ARHGAP8: variants seen among roughly 807,000 people sequenced by gnomAD.
The protein encoded by ARHGAP8 is rho GTPase-activating protein 8.
Under a neutral mutation model 46.1 loss-of-function variants are expected in ARHGAP8, and 62 were observed. That is an observed-to-expected ratio of 1.34 (90% CI 1.10 to 1.66). ARHGAP8 has a LOEUF of 1.66. Among genes scored for constraint, ARHGAP8 ranks in the 40% most tolerant of loss-of-function variants. ARHGAP8 has a pLI of 0.00. For synonymous variants in ARHGAP8, 375 were observed against 243.1 expected, an observed-to-expected ratio of 1.54 and a Z score of -5.05; for missense variants, 923 against 568.4, an observed-to-expected ratio of 1.62 and a Z score of -6.34.
At chr22:44,803,486 G>A (rs1282106245) in intron 3 of ARHGAP8, among the ~76,000 whole-genome samples, 1 of 151,994 alleles carries the variant, frequency 6.6e-6, no homozygotes, top group African/African-American at 2.4e-5. Flanking sequence ...ACCCCTCCTG[G>A]GTCTACACCT....
chr22:44,791,695 A>C (rs1483684515), intron 2 of ARHGAP8, among the ~76,000 whole-genome samples: 1 of 151,862 alleles, frequency 6.6e-6, no homozygotes, highest in African/African-American at 2.4e-5. Flanking sequence ...TAAGAGCAAA[A>C]CTCCATCTCA....
At chr22:44,858,737 G>GGGGGGGT (rs1158349279) in intron 10 of ARHGAP8, among the ~76,000 whole-genome samples, 1 of 133,298 alleles carries the variant, frequency 7.5e-6, no homozygotes, top group Admixed American at 7.5e-5. Context: ...GGGTAACTGG[G>GGGGGGGT]GGGTCTCAGA....
At chr22:44,799,770 C>T (rs1031762626) in intron 2 of ARHGAP8, among the ~76,000 whole-genome samples, 7 of 146,646 alleles carry the variant, frequency 4.8e-5, no homozygotes, top group African/African-American at 1.8e-4. Flanking sequence ...ATCTGTTCTC[C>T]GTGTCCCTGA....
intron 7 of ARHGAP8, among the ~76,000 whole-genome samples, chr22:44,835,377 T>G (rs1028763853): frequency 6.6e-6 from 1 of 152,084 alleles, no homozygotes; most frequent in Non-Finnish European, 1.5e-5. Flanking sequence ...CTCAGCACTT[T>G]GGGAGGCCGA....
chr22:44,814,707 A>G lies in ARHGAP8; in HGVS notation c.335A>G (p.His112Arg), dbSNP rs1257826996. ...KKNLKALYVV[H>R]PTSFIKVLWN... ...AACTTGAAGGCCCTCTACGTGGTGC[A>G]CCCCACCAGCTTCATCAAGGTCCTG... Residue 112 changes from histidine (H) to arginine (R), a missense_variant, in exon 5 of 12, where the codon CAC (histidine) becomes CGC (arginine). By Grantham distance (29) the His-to-Arg change is conservative (BLOSUM62 0). Transcript: ENST00000356099. 1.2e-6 allele frequency: 2 copies of G among 1,613,620 alleles called. No individual in the cohort carries two copies. The highest frequency in any genetic ancestry group is 2.7e-5 in the African/African-American group (2 of 74,790).
intron 1 of ARHGAP8, among the ~76,000 whole-genome samples, chr22:44,773,881 C>G (rs989231200): frequency 1.3e-5 from 2 of 152,236 alleles, no homozygotes; most frequent in Non-Finnish European, 2.9e-5. Flanking sequence ...CCACACCCAG[C>G]AAAATGTAGA....
intron 5 of ARHGAP8, among the ~76,000 whole-genome samples, chr22:44,815,171 C>G (rs901545169): frequency 6.6e-6 from 1 of 152,190 alleles, no homozygotes; most frequent in Non-Finnish European, 1.5e-5. Flanking sequence ...CCAGGAGGAC[C>G]AAGTGCAAGT....
At position 44,857,409 on chromosome 22, in the gene ARHGAP8, G is replaced by T. The variant is rs560001109; in HGVS notation, c.878-2322G>T. Among the ~76,000 whole-genome samples, 6 of 152,212 alleles carry T rather than the reference G, an allele frequency of 3.9e-5. No homozygotes were observed. The South Asian group carries it at 1.2e-3, about 32-fold the overall frequency. On this transcript the variant is annotated intron_variant, in intron 10 of 11. Transcript: ENST00000356099. ...CCCCATCTTAGGTTCCTTGGTGGGG[G>T]CCCTGTTGCTTGGACTAACAAAAGA...
chr22:44,852,991 ACAG>A (rs1451924731), intron 10 of ARHGAP8, among the ~76,000 whole-genome samples: 1 of 152,062 alleles, frequency 6.6e-6, no homozygotes, highest in African/African-American at 2.4e-5. Flanking sequence ...TTTAGTAGAG[ACAG>A]CATTTCACTG....
At chr22:44,833,909 A>C (rs1389325518) in intron 7 of ARHGAP8, among the ~76,000 whole-genome samples, 1 of 152,054 alleles carries the variant, frequency 6.6e-6, no homozygotes, top group African/African-American at 2.4e-5. Flanking sequence ...GAATTTGTTC[A>C]TTTCGTCTAG....
At chr22:44,775,724 A>G (rs187332901) in intron 1 of ARHGAP8, among the ~76,000 whole-genome samples, 17 of 152,312 alleles carry the variant, frequency 1.1e-4, no homozygotes, top group African/African-American at 4.1e-4. Flanking sequence ...TGCTAAGATT[A>G]TAGGTGTGAG....
chr22:44,833,066 A>G (rs978059768), intron 7 of ARHGAP8, among the ~76,000 whole-genome samples: 1 of 133,456 alleles, frequency 7.5e-6, no homozygotes, highest in African/African-American at 2.8e-5. Context: ...TATCAGGTTA[A>G]GAACCATCTT....
intron 2 of ARHGAP8, among the ~76,000 whole-genome samples, chr22:44,796,144 C>G (rs1477280777): frequency 2.0e-5 from 3 of 152,226 alleles, no homozygotes; most frequent in Non-Finnish European, 4.4e-5. Flanking sequence ...TCTCTGAACA[C>G]CCCCTGAGGT....
At chr22:44,769,198 T>C (rs745974979) in intron 1 of ARHGAP8, among the ~76,000 whole-genome samples, 8 of 152,182 alleles carry the variant, frequency 5.3e-5, no homozygotes, top group Non-Finnish European at 1.0e-4. Context: ...GAGCATCCTG[T>C]TCTCCATCAT....
chr22:44,839,718 T>C (rs1273364787), intron 7 of ARHGAP8, among the ~76,000 whole-genome samples: 1 of 152,202 alleles, frequency 6.6e-6, no homozygotes, highest in African/African-American at 2.4e-5. Flanking sequence ...GAGGAAAGAC[T>C]TCACACTCAG....
Position 44,802,062 on chromosome 22 carries a change from T to G in ARHGAP8, c.80-15T>G. 6.2e-7 allele frequency: 1 copy of G among 1,613,940 alleles called. No individual in the cohort carries two copies. Among genetic ancestry groups the G allele is most frequent in the East Asian group, 2.2e-5 (1 of 44,888 alleles). On this transcript the variant is annotated splice_polypyrimidine_tract_variant and intron_variant, in intron 2 of 11. Transcript: ENST00000356099. ...AGAAGGTGGCACAGAGGCTCACCTG[T>G]GTCTGCTCCTCCAGGGGATGACCGC...
chr22:44,774,470 CTG>C, intron 1 of ARHGAP8, among the ~76,000 whole-genome samples: 1 of 150,486 alleles, frequency 6.6e-6, no homozygotes, highest in South Asian at 2.1e-4. Flanking sequence ...GTAGCAGAGA[CTG>C]TATGACATTT....
At position 44,856,662 on chromosome 22, in the gene ARHGAP8, A is replaced by G. The variant is rs942385094; in HGVS notation, c.878-3069A>G. Among the ~76,000 whole-genome samples, 7 of 144,308 alleles carry G rather than the reference A, an allele frequency of 4.9e-5. 1 individual carries two copies. Among genetic ancestry groups the G allele is most frequent in the Non-Finnish European group, 1.1e-4 (7 of 66,630 alleles). The allele number at this position is 144,308 out of a possible 152,430, so 94.7% of individuals were successfully genotyped here. A position where few individuals can be genotyped will look rare whatever the true frequency, so the allele number is the denominator to read the frequency against. On this transcript the variant is annotated intron_variant, in intron 10 of 11. Coordinates refer to ENST00000356099, the MANE Select transcript of ARHGAP8 (RefSeq NM_181335.3). ...GGCCATAAAGGCAAGTTCTCAGGAC[A>G]CAAAACAAGACGAAAGGAGAATCGT... is the stretch of plus-strand genomic sequence containing the variant.
chr22:44,859,316 G>A (rs1188479904), intron 10 of ARHGAP8, among the ~76,000 whole-genome samples: 1 of 152,038 alleles, frequency 6.6e-6, no homozygotes. Flanking sequence ...GAGATAGTGA[G>A]TTCTTACCAG....
Sources: allele counts gnomAD v4.1 joint callset (sites outside exome capture counted in the v4.1 genomes callset), GRCh38; gene constraint gnomAD v4.1.1; transcripts MANE v1.5; gene names NCBI Gene and HGNC (gene_info 2026-07-23, HGNC 2026-07-21).